Variants in DMD observed in about 807,000 individuals in gnomAD.
The protein encoded by DMD is dystrophin, also known as mutant dystrophin.
DMD carries 63 observed loss-of-function variants against 330.1 expected under a neutral mutation model. That is an observed-to-expected ratio of 0.19 (90% CI 0.16 to 0.24). DMD has a LOEUF of 0.24. DMD is among the 10% of genes least tolerant of loss of function. The pLI, the probability that DMD is intolerant of heterozygous loss-of-function variation, is 1.00. For missense variants in DMD, 3,344 were observed against 2,684.1 expected (o/e 1.25, Z -5.43); for synonymous variants, 1,223 against 959.8 (o/e 1.27, Z -5.07).
At chrX:32,398,087 A>C (rs2098058536) in intron 30 of DMD, among the ~76,000 whole-genome samples, 1 of 110,892 alleles carries the variant, frequency 9.0e-6, no homozygotes, top group Non-Finnish European at 1.9e-5. Context: ...AAACGAAAGA[A>C]ACAAAATATA....
intron 44 of DMD, among the ~76,000 whole-genome samples, chrX:32,145,818 T>C (rs2096775461): frequency 8.9e-6 from 1 of 112,009 alleles, no homozygotes; most frequent in African/African-American, 3.2e-5. Flanking sequence ...AATGATATGA[T>C]TATAATTTAA....
chrX:32,697,671 G>T (rs1317738354), intron 9 of DMD, among the ~76,000 whole-genome samples, 199 bp downstream of exon 9: 2 of 111,817 alleles, frequency 1.8e-5, no homozygotes, highest in African/African-American at 6.5e-5. Flanking sequence ...TATTTATGAA[G>T]AATCAACGTA....
rs369562721 is a variant in DMD at position 31,478,957 on chromosome X, G to T, written c.8668+26C>A. ...TCACCACTGATCCTTCTATCAATAT[G>T]TTATTATAGTTCCACATTCAATTAC... is the stretch of plus-strand genomic sequence containing the variant. On this transcript the variant is annotated intron_variant, in intron 58 of 78. Coordinates refer to ENST00000357033, the MANE Select transcript of DMD (RefSeq NM_004006.3). The T allele has an allele frequency of 6.3e-4, 759 of 1,203,905 alleles. 1 individual carries two copies. Among genetic ancestry groups the T allele is most frequent in the Middle Eastern group, 2.8e-3 (12 of 4,337 alleles).
At chrX:31,495,047 CAT>C (rs2069697208) in intron 57 of DMD, among the ~76,000 whole-genome samples, 1 of 111,394 alleles carries the variant, frequency 9.0e-6, no homozygotes, top group African/African-American at 3.3e-5. Context: ...ATTTAAAACA[CAT>C]AGCACCATTA....
intron 47 of DMD, among the ~76,000 whole-genome samples, chrX:31,910,766 G>A (rs777685491): frequency 9.0e-6 from 1 of 111,720 alleles, no homozygotes; most frequent in East Asian, 2.8e-4. Context: ...TTTCTAAGTG[G>A]ACCAGGCAGG....
At chrX:33,086,377 AT>A (rs1247354865) in intron 1 of DMD, among the ~76,000 whole-genome samples, 1 of 112,270 alleles carries the variant, frequency 8.9e-6, no homozygotes, top group Admixed American at 9.5e-5. Flanking sequence ...ATTAAAAAAA[AT>A]AAAATACTTT....
intron 2 of DMD, among the ~76,000 whole-genome samples, chrX:33,010,270 G>A (rs866534358): frequency 4.7e-5 from 3 of 64,327 alleles, no homozygotes; most frequent in African/African-American, 1.3e-4. Context: ...AAATATGTGT[G>A]TATATGTACA....
At chrX:31,170,569 C>A (rs752911385) in intron 73 of DMD, among the ~76,000 whole-genome samples, 14 of 111,824 alleles carry the variant, frequency 1.3e-4, no homozygotes, top group Admixed American at 3.8e-4. Flanking sequence ...CCTCTCCATA[C>A]CCACTTAAGT....
intron 29 of DMD, among the ~76,000 whole-genome samples, chrX:32,420,195 T>C (rs1211979346): frequency 8.9e-6 from 1 of 111,858 alleles, no homozygotes; most frequent in African/African-American, 3.2e-5. Context: ...ATTATTAAAG[T>C]CTAAACTTTA....
intron 62 of DMD, among the ~76,000 whole-genome samples, chrX:31,289,224 C>T: frequency 1.2e-5 from 1 of 84,227 alleles, no homozygotes; most frequent in African/African-American, 6.4e-5. Flanking sequence ...GGTTGCAGTC[C>T]ACTGCACTCC....
chrX:32,063,745 G>T (rs959633961), intron 44 of DMD, among the ~76,000 whole-genome samples: 8 of 110,610 alleles, frequency 7.2e-5, no homozygotes, highest in African/African-American at 2.6e-4. Flanking sequence ...GTTACTTATT[G>T]AGAATCCATT....
intron 5 of DMD, among the ~76,000 whole-genome samples, chrX:32,822,385 T>C (rs967491279): frequency 5.4e-5 from 6 of 110,686 alleles, no homozygotes; most frequent in Non-Finnish European, 9.4e-5. Flanking sequence ...TATATACACA[T>C]ACATATTTAT....
chrX:32,239,670 T>C (rs1449711612), intron 43 of DMD, among the ~76,000 whole-genome samples: 1 of 112,177 alleles, frequency 8.9e-6, no homozygotes, highest in Admixed American at 9.5e-5. Flanking sequence ...CTGCTATGCA[T>C]ACCATGTATG....
chrX:31,586,729 A>G (rs1190198305), intron 55 of DMD, among the ~76,000 whole-genome samples: 2 of 112,235 alleles, frequency 1.8e-5, no homozygotes, highest in African/African-American at 6.5e-5. Flanking sequence ...GAATCAAGAC[A>G]TTTCTCAGAG....
intron 44 of DMD, among the ~76,000 whole-genome samples, chrX:32,106,385 C>G (rs1287916860): frequency 9.0e-6 from 1 of 111,580 alleles, no homozygotes; most frequent in Non-Finnish European, 1.9e-5. Context: ...GAAGTCTAGT[C>G]AGGAAAAGGG....
At chrX:32,299,712 T>C (rs1215594706) in intron 42 of DMD, among the ~76,000 whole-genome samples, 1 of 111,072 alleles carries the variant, frequency 9.0e-6, no homozygotes, top group Non-Finnish European at 1.9e-5. Context: ...CGTTTCTCCA[T>C]CTGAGTATGG....
intron 60 of DMD, among the ~76,000 whole-genome samples, chrX:31,352,551 T>C (rs1373048308): frequency 3.6e-5 from 4 of 109,738 alleles, no homozygotes; most frequent in Non-Finnish European, 7.6e-5. Context: ...ATCTTCTCTC[T>C]GAAGAATTTT....
chrX:32,735,019 C>A (rs553073722), intron 7 of DMD, among the ~76,000 whole-genome samples: 3 of 110,940 alleles, frequency 2.7e-5, no homozygotes, highest in East Asian at 2.8e-4. Context: ...GAAAACCCCA[C>A]TGTCTCAGCC....
At chrX:32,189,242 G>A (rs1201432213) in intron 44 of DMD, among the ~76,000 whole-genome samples, 1 of 109,112 alleles carries the variant, frequency 9.2e-6, no homozygotes, top group East Asian at 2.8e-4. Context: ...AGAGGTGGAG[G>A]TCTTGCTACT....
Sources: allele counts gnomAD v4.1 joint callset (sites outside exome capture counted in the v4.1 genomes callset), GRCh38; gene constraint gnomAD v4.1.1; transcripts MANE v1.5; gene names NCBI Gene and HGNC (gene_info 2026-07-23, HGNC 2026-07-21).